Variants in ABI3BP observed in about 807,000 individuals in gnomAD.
ABI3BP encodes target of Nesh-SH3.
In ABI3BP, 216 loss-of-function variants were observed where a neutral mutation model predicts 268.6. The observed-to-expected ratio is 0.80, with a 90% confidence interval of 0.72 to 0.90. The LOEUF (loss-of-function observed/expected upper bound fraction) is 0.90. Ranked by LOEUF, ABI3BP falls within the 40% of genes least tolerant of loss-of-function variation. The pLI is 0.00. For synonymous variants in ABI3BP, 730 were observed against 730.0 expected (o/e 1.00, Z 0.00); for missense variants, 2,090 against 2,182.4 (o/e 0.96, Z 0.84).
chr3:100,873,733 C>A (rs1416054256), intron 9 of ABI3BP, among the ~76,000 whole-genome samples: 3 of 152,190 alleles, frequency 2.0e-5, no homozygotes, highest in Non-Finnish European at 4.4e-5. Flanking sequence ...ATAAGGCCCC[C>A]AGTAGGGGAG....
At chr3:100,831,829 A>C (rs556233409) in intron 31 of ABI3BP, among the ~76,000 whole-genome samples, 40 of 152,336 alleles carry the variant, frequency 2.6e-4, no homozygotes, top group South Asian at 1.9e-3. Flanking sequence ...TTATATTTGC[A>C]TAAACATGCT....
At chr3:100,791,932 T>C (rs528649042) in intron 55 of ABI3BP, among the ~76,000 whole-genome samples, 1 of 151,974 alleles carries the variant, frequency 6.6e-6, no homozygotes, top group East Asian at 1.9e-4. Flanking sequence ...GCAACATACA[T>C]TTATTTGTGT....
chr3:100,803,274 G>A (rs1381493093), intron 51 of ABI3BP, among the ~76,000 whole-genome samples: 1 of 144,906 alleles, frequency 6.9e-6, no homozygotes, highest in African/African-American at 2.4e-5. Context: ...AAGATCACGG[G>A]TTAGAGTTTG....
chr3:100,876,752 G>C lies in ABI3BP; in HGVS notation c.697-192C>G, dbSNP rs13434191. Among the ~76,000 whole-genome samples, 151 of 152,102 alleles carry C rather than the reference G, an allele frequency of 9.9e-4. 1 individual carries two copies. Among genetic ancestry groups the C allele is most frequent in the Non-Finnish European group, 1.9e-3 (131 of 67,990 alleles). On this transcript the variant is annotated intron_variant, in intron 6 of 67. Transcript: ENST00000471714. ...CCCAGCACTTTGGGAGGCTGAGGCG[G>C]GTGGATCACCTGAGGTCAGGAGTTC... is the stretch of plus-strand genomic sequence containing the variant.
At chr3:100,840,000 G>C (rs1330699160) in intron 23 of ABI3BP, 72 bp downstream of exon 23, 1 of 1,290,286 alleles carries the variant, frequency 7.8e-7, no homozygotes, top group Non-Finnish European at 1.1e-6. Flanking sequence ...AGTTGCTCAA[G>C]TAGCTGATAT....
At chr3:100,883,513 A>G (rs1428684742) in intron 6 of ABI3BP, among the ~76,000 whole-genome samples, 1 of 152,146 alleles carries the variant, frequency 6.6e-6, no homozygotes, top group Admixed American at 6.6e-5. Context: ...TTAAATGGAA[A>G]ATACAACTGG....
At chr3:100,914,728 G>T (rs2058010939) in intron 2 of ABI3BP, among the ~76,000 whole-genome samples, 1 of 152,194 alleles carries the variant, frequency 6.6e-6, no homozygotes, top group African/African-American at 2.4e-5. Context: ...CAACGTTAAA[G>T]GGGGGAAAGA....
At chr3:100,894,606 T>C (rs888377229) in intron 4 of ABI3BP, among the ~76,000 whole-genome samples, 10 of 152,110 alleles carry the variant, frequency 6.6e-5, no homozygotes, top group African/African-American at 2.4e-4. Context: ...GAGTCTGCTC[T>C]GGACTGGCCA....
At chr3:100,846,993 A>G (rs1446971310) in intron 19 of ABI3BP, among the ~76,000 whole-genome samples, 1 of 152,224 alleles carries the variant, frequency 6.6e-6, no homozygotes, top group African/African-American at 2.4e-5. Flanking sequence ...GGAAAAATCT[A>G]AAATCATTCA....
chr3:100,922,352 T>C (rs2060469580), intron 2 of ABI3BP, among the ~76,000 whole-genome samples: 1 of 152,064 alleles, frequency 6.6e-6, no homozygotes, highest in African/African-American at 2.4e-5. Flanking sequence ...TGTGAAGATG[T>C]GAGGTTGCGT....
intron 1 of ABI3BP, among the ~76,000 whole-genome samples, chr3:100,982,678 C>A (rs1039623382): frequency 2.0e-5 from 3 of 151,972 alleles, no homozygotes; most frequent in African/African-American, 7.3e-5. Context: ...AGAGCATGCC[C>A]AGAATCATTT....
At chr3:100,979,649 A>T (rs1296502741) in intron 1 of ABI3BP, among the ~76,000 whole-genome samples, 2 of 152,204 alleles carry the variant, frequency 1.3e-5, no homozygotes, top group South Asian at 2.1e-4. Flanking sequence ...AACCTTACAG[A>T]TGACATCTGA....
intron 1 of ABI3BP, among the ~76,000 whole-genome samples, chr3:100,960,573 C>T (rs192761190): frequency 3.9e-5 from 6 of 152,276 alleles, no homozygotes; most frequent in East Asian, 1.9e-4. Context: ...AGATTATCTG[C>T]GTAGGCTCAA....
At chr3:100,832,515 G>A (rs2098510730) in intron 30 of ABI3BP, among the ~76,000 whole-genome samples, 165 bp from the exon 31 acceptor site, 2 of 151,990 alleles carry the variant, frequency 1.3e-5, no homozygotes, top group Non-Finnish European at 2.9e-5. Flanking sequence ...GGTTTTCTTT[G>A]ATAACTGAAA....
intron 20 of ABI3BP, chr3:100,843,880 T>A (rs1376658538): frequency 2.0e-6 from 2 of 984,646 alleles, no homozygotes; most frequent in Admixed American, 1.2e-4. Flanking sequence ...ACTCATTGCA[T>A]CTTTTAGACT....
intron 9 of ABI3BP, among the ~76,000 whole-genome samples, chr3:100,867,343 A>G (rs1399954578): frequency 6.6e-6 from 1 of 152,064 alleles, no homozygotes; most frequent in East Asian, 1.9e-4. Flanking sequence ...TAAAAAATCA[A>G]CCTATAGAAA....
intron 1 of ABI3BP, among the ~76,000 whole-genome samples, chr3:100,935,246 AT>A: frequency 6.6e-6 from 1 of 152,116 alleles, no homozygotes; most frequent in East Asian, 1.9e-4. Context: ...TCCTTTCCCT[AT>A]TTCTTGTTTT....
chr3:100,833,930 T>C (rs2098534538), intron 29 of ABI3BP, among the ~76,000 whole-genome samples: 1 of 152,190 alleles, frequency 6.6e-6, no homozygotes, highest in Non-Finnish European at 1.5e-5. Context: ...TGCCTCTGTT[T>C]ATATGATTCC....
chr3:100,960,253 G>T (rs1371586108), intron 1 of ABI3BP, among the ~76,000 whole-genome samples: 1 of 152,154 alleles, frequency 6.6e-6, no homozygotes, highest in Non-Finnish European at 1.5e-5. Context: ...TTAAAGTAGG[G>T]CATTCAAGAG....
Sources: gnomAD v4.1 joint callset for allele counts (sites outside exome capture counted in the v4.1 genomes callset) on GRCh38, gnomAD v4.1.1 for gene constraint, MANE v1.5 for transcripts, NCBI Gene and HGNC (gene_info 2026-07-23, HGNC 2026-07-21) for gene names.